PLEKHA7: variants seen among roughly 807,000 people sequenced by gnomAD.
PLEKHA7 encodes the protein pleckstrin homology domain containing A7.
PLEKHA7 carries 104 observed loss-of-function variants against 170.0 expected under a neutral mutation model. The ratio of observed to expected loss-of-function variants is 0.61; its 90% CI spans 0.52 to 0.72. PLEKHA7 has a LOEUF of 0.72. Ranked by LOEUF, PLEKHA7 falls within the 30% of genes least tolerant of loss-of-function variation. The pLI is 0.00. For synonymous variants in PLEKHA7, 648 were observed against 660.8 expected, an observed-to-expected ratio of 0.98 and a Z score of 0.30; for missense variants, 1,615 against 1,671.7, an observed-to-expected ratio of 0.97 and a Z score of 0.59.
rs1276004011 is a variant in PLEKHA7 at position 16,896,158 on chromosome 11, T to G, written c.222-24976A>C. ...AGAGTCCCAGATCCCTATATCCAAC[T>G]GTCTATTAGACACTTCTTCCAAGAT... On this transcript the variant is annotated intron_variant, in intron 3 of 26. Coordinates refer to ENST00000531066, the MANE Select transcript of PLEKHA7 (RefSeq NM_001329630.2). Among the ~76,000 whole-genome samples, 3 of 152,354 alleles carry G rather than the reference T, an allele frequency of 2.0e-5. No homozygotes were observed. The East Asian group carries it at 5.8e-4, about 29-fold the overall frequency.
intron 3 of PLEKHA7, among the ~76,000 whole-genome samples, chr11:16,998,041 C>T (rs1433913877): frequency 6.6e-6 from 1 of 152,170 alleles, no homozygotes; most frequent in East Asian, 1.9e-4. Context: ...ACTCAACCTC[C>T]CTGAGCCTCA....
chr11:16,841,435 G>A, intron 9 of PLEKHA7, 112 bp downstream of exon 9: 1 of 1,181,594 alleles, frequency 8.5e-7, no homozygotes, highest in Non-Finnish European at 1.2e-6. Context: ...TAAAGAGAGG[G>A]CAATGCTTAA....
chr11:16,842,763 A>C (rs1852075071), intron 8 of PLEKHA7, among the ~76,000 whole-genome samples: 1 of 152,180 alleles, frequency 6.6e-6, no homozygotes, highest in Admixed American at 6.6e-5. Context: ...AATCTACATA[A>C]GAAGATGATG....
chr11:16,935,405 G>C (rs1438567259), intron 3 of PLEKHA7, among the ~76,000 whole-genome samples: 1 of 152,218 alleles, frequency 6.6e-6, no homozygotes, highest in Non-Finnish European at 1.5e-5. Context: ...CTGGGTGACA[G>C]AGTGAGACTC....
chr11:16,888,587 G>C (rs1463085140), intron 3 of PLEKHA7, among the ~76,000 whole-genome samples: 1 of 152,292 alleles, frequency 6.6e-6, no homozygotes, highest in Non-Finnish European at 1.5e-5. Flanking sequence ...TCCACTCAGG[G>C]TTAAATGGAT....
At chr11:16,982,405 G>A (rs2136863768) in intron 3 of PLEKHA7, among the ~76,000 whole-genome samples, 1 of 152,366 alleles carries the variant, frequency 6.6e-6, no homozygotes, top group Admixed American at 6.5e-5. Context: ...CAGGAAAGGG[G>A]TGCAGGGGCT....
intron 3 of PLEKHA7, among the ~76,000 whole-genome samples, chr11:16,979,231 T>C (rs542140461): frequency 2.1e-3 from 320 of 152,322 alleles, no homozygotes; most frequent in Non-Finnish European, 2.7e-3. Flanking sequence ...GATTTCACCA[T>C]GTTGGCCAGG....
chr11:16,831,158 A>G (rs1162107879), intron 9 of PLEKHA7, among the ~76,000 whole-genome samples: 2 of 152,202 alleles, frequency 1.3e-5, no homozygotes, highest in African/African-American at 4.8e-5. Context: ...CTTACATAAA[A>G]TGCACCTTTG....
chr11:16,855,872 C>A lies in PLEKHA7; in HGVS notation c.348G>T (p.Pro116=). The change falls in exon 5 of 27, where the codon CCG becomes CCT. Residue 116 remains proline (P), a synonymous_variant. Transcript: ENST00000531066. Reference sequence around the variant, plus strand: ...TGGATGTTTCACTGACCATGCTGGACGGTCTTTGGTTTCTGTCTTGCTTCG... The same window carrying A: ...TGGATGTTTCACTGACCATGCTGGAAGGTCTTTGGTTTCTGTCTTGCTTCG... ...HMSKQDRNQR[P]SSMVSETSTA... 6.2e-7 allele frequency: 1 copy of A among 1,614,112 alleles called. No individual in the cohort carries two copies. The highest frequency in any genetic ancestry group is 8.5e-7 in the Non-Finnish European group (1 of 1,180,014).
intron 4 of PLEKHA7, among the ~76,000 whole-genome samples, chr11:16,863,466 C>G (rs150357821): frequency 2.0e-3 from 310 of 152,264 alleles, no homozygotes; most frequent in African/African-American, 7.1e-3. Context: ...ATCTTGCATG[C>G]CTTGCAGCTG....
At chr11:16,793,906 T>G (rs1431811145) in intron 19 of PLEKHA7, among the ~76,000 whole-genome samples, 34 of 152,182 alleles carry the variant, frequency 2.2e-4, no homozygotes, top group Non-Finnish European at 2.9e-5. Flanking sequence ...TTGGATTCAC[T>G]AGTTAGCATG....
chr11:16,887,435 C>A (rs1020262415), intron 3 of PLEKHA7, among the ~76,000 whole-genome samples: 2 of 151,718 alleles, frequency 1.3e-5, no homozygotes, highest in African/African-American at 4.9e-5. Context: ...GGTCTCCCTC[C>A]GATGCCGAGT....
intron 4 of PLEKHA7, among the ~76,000 whole-genome samples, chr11:16,859,069 C>T (rs1853717741): frequency 6.6e-6 from 1 of 152,212 alleles, no homozygotes; most frequent in Non-Finnish European, 1.5e-5. Flanking sequence ...GACTAAAGTT[C>T]AAACTATATA....
intron 3 of PLEKHA7, among the ~76,000 whole-genome samples, chr11:16,912,412 G>A (rs564219706): frequency 1.3e-5 from 2 of 152,310 alleles, no homozygotes; most frequent in African/African-American, 4.8e-5. Context: ...TATAAAGGGA[G>A]ACAGAAAAAG....
intron 13 of PLEKHA7, among the ~76,000 whole-genome samples, chr11:16,805,802 A>AAAACAAAAAC (rs1564934287): frequency 7.0e-6 from 1 of 143,116 alleles, no homozygotes; most frequent in Non-Finnish European, 1.5e-5. Flanking sequence ...AAAAAAAAAA[A>AAAACAAAAAC]AAAAACAAAA....
chr11:16,929,861 G>A (rs1420992935), intron 3 of PLEKHA7, among the ~76,000 whole-genome samples: 1 of 152,160 alleles, frequency 6.6e-6, no homozygotes, highest in Non-Finnish European at 1.5e-5. Context: ...AAAATTAGCT[G>A]GGCGTGGTGG....
intron 23 of PLEKHA7, 78 bp from the exon 24 acceptor site, chr11:16,786,465 G>C: frequency 6.6e-7 from 1 of 1,523,366 alleles, no homozygotes; most frequent in Non-Finnish European, 8.8e-7. Flanking sequence ...TTTTCCATGG[G>C]GTCCTTTGGA....
At chr11:16,822,502 GAAAA>G (rs775136335) in intron 10 of PLEKHA7, among the ~76,000 whole-genome samples, 2 of 78,950 alleles carry the variant, frequency 2.5e-5, no homozygotes, top group Admixed American at 1.5e-4. Flanking sequence ...TTTGGTAGGG[GAAAA>G]AAAAAAAAAA....
At chr11:16,788,772 C>G in intron 23 of PLEKHA7, 1 of 435,606 alleles carries the variant, frequency 2.3e-6, no homozygotes, top group Non-Finnish European at 4.2e-6. Flanking sequence ...CTCTCTGAAC[C>G]CTGTATTCCC....
Sources: gnomAD v4.1 joint callset for allele counts (sites outside exome capture counted in the v4.1 genomes callset) on GRCh38, gnomAD v4.1.1 for gene constraint, MANE v1.5 for transcripts, NCBI Gene and HGNC (gene_info 2026-07-23, HGNC 2026-07-21) for gene names.